IGFN1: variants seen among roughly 807,000 people sequenced by gnomAD.
The protein encoded by IGFN1 is immunoglobulin like and fibronectin type III domain containing 1.
In IGFN1, 253 loss-of-function variants were observed where a neutral mutation model predicts 289.5. The observed-to-expected ratio is 0.87, with a 90% CI of 0.79 to 0.97. The LOEUF is 0.97. IGFN1 is among the 50% of genes least tolerant of loss of function. The pLI is 0.00. For synonymous variants in IGFN1, 1,706 were observed against 1,788.5 expected, an observed-to-expected ratio of 0.95 and a Z score of 1.16; for missense variants, 4,470 against 4,686.1, an observed-to-expected ratio of 0.95 and a Z score of 1.35.
At chr1:201,225,633 A>G (rs1654028357) in intron 21 of IGFN1, among the ~76,000 whole-genome samples, 191 bp from the exon 22 acceptor site, 3 of 152,066 alleles carry the variant, frequency 2.0e-5, no homozygotes. Context: ...AATTAAAATT[A>G]CTCTTTTGGG....
chr1:201,214,069 C>A, intron 12 of IGFN1, 108 bp from the exon 13 acceptor site: 3 of 1,207,752 alleles, frequency 2.5e-6, no homozygotes, highest in Non-Finnish European at 3.4e-6. Context: ...ACCAGCCCTG[C>A]TGACACCAGC....
At chr1:201,201,654 G>A (rs1667166274) in intron 8 of IGFN1, 65 bp from the exon 9 acceptor site, 1 of 844,824 alleles carries the variant, frequency 1.2e-6, no homozygotes, top group Non-Finnish European at 2.0e-6. Context: ...AGCCTATGAG[G>A]GTTCAGAGTA....
chr1:201,205,432 A>G, intron 11 of IGFN1, 78 bp downstream of exon 11: 1 of 1,391,978 alleles, frequency 7.2e-7, no homozygotes, highest in African/African-American at 1.5e-5. Context: ...AAGGCGAGGC[A>G]GTGGGATTTC....
intron 7 of IGFN1, 28 bp from the exon 8 acceptor site, chr1:201,200,209 C>T (rs1667087894): frequency 6.5e-7 from 1 of 1,542,968 alleles, no homozygotes; most frequent in Non-Finnish European, 8.8e-7. Context: ...ATTCCTCTGG[C>T]CTCTGACCTG....
chr1:201,217,400 A>G lies in IGFN1; in HGVS notation c.9709A>G (p.Ile3237Val), dbSNP rs781608360. ...CAGCGCCCACATCCTGGGCTACCTGATCGAGAGGCGTAAGAAGGGGAGCAA... is the reference window on the plus strand; with the variant it reads ...CAGCGCCCACATCCTGGGCTACCTGGTCGAGAGGCGTAAGAAGGGGAGCAA... ...PGSAHILGYL[I>V]ERRKKGSNTW... The change falls in exon 17 of 24, where the codon ATC (isoleucine) becomes GTC (valine). Residue 3237 changes from isoleucine to valine, a missense_variant. Coordinates refer to ENST00000335211, the MANE Select transcript of IGFN1 (RefSeq NM_001164586.2). 6.2e-7 allele frequency: 1 copy of G among 1,614,150 alleles called. No individual in the cohort carries two copies. Among genetic ancestry groups the G allele is most frequent in the Non-Finnish European group, 8.5e-7 (1 of 1,180,026 alleles).
chr1:201,213,668 G>T, intron 12 of IGFN1, 47 bp downstream of exon 12: 1 of 1,518,736 alleles, frequency 6.6e-7, no homozygotes, highest in South Asian at 1.2e-5. Flanking sequence ...AGAGACAGTG[G>T]GGAGCTCCCT....
chr1:201,228,653 C>T lies in IGFN1; in HGVS notation c.*254C>T, dbSNP rs14061. On this transcript the variant is annotated 3_prime_UTR_variant, in exon 24 of 24. Coordinates refer to ENST00000335211, the MANE Select transcript of IGFN1 (RefSeq NM_001164586.2). ...AATGACAGCGAACCTCCTGGACCCT[C>T]ACCATATGGGTTTCTTTCTTCTTCG... 0.3 allele frequency: 169,934 copies of T among 565,126 alleles called. 28,282 individuals carry two copies. The highest frequency in any genetic ancestry group is 0.39 in the Middle Eastern group (890 of 2,270). 35.0% of individuals were successfully genotyped at this position (565,126 alleles called of 1,614,324 possible).
At position 201,211,370 on chromosome 1, in the gene IGFN1, T is replaced by C. The variant is rs747956776; in HGVS notation, c.6477T>C (p.Gly2159=). The C allele has an allele frequency of 6.7e-7, 1 of 1,490,572 alleles. No individual in the cohort carries two copies. Among genetic ancestry groups the C allele is most frequent in the South Asian group, 1.2e-5 (1 of 80,056 alleles). 92.3% of individuals were successfully genotyped at this position (1,490,572 alleles called of 1,614,324 possible). A position where few individuals can be genotyped will look rare whatever the true frequency, so the allele number is the denominator to read the frequency against. The part of the protein sequence containing the change: ...PKGMGSESKA[G]FRDGLGSSGE... ...GAATGGGTTCAGAGAGTAAGGCAGG[T>C]TTTAGGGATGGTTTAGGGAGTTCTG... The change falls in exon 12 of 24, where the codon GGT becomes GGC. Residue 2159 remains glycine (G), a synonymous_variant. Coordinates refer to ENST00000335211, the MANE Select transcript of IGFN1 (RefSeq NM_001164586.2).
chr1:201,213,270 G>T lies in IGFN1; in HGVS notation c.8377G>T (p.Ala2793Ser). The change falls in exon 12 of 24, where the codon GCC (alanine) becomes TCC (serine). Residue 2793 changes from alanine (A) to serine (S), a missense_variant. By Grantham distance (99) the Ala-to-Ser change is moderately conservative. Around this residue, in one of 8 missense-constraint regions of IGFN1, gnomAD observed 2,218 missense variants for 2,114.1 expected, o/e 1.05. Coordinates refer to ENST00000335211, the MANE Select transcript of IGFN1 (RefSeq NM_001164586.2). ...GAATGGTGAGGTCCAGGGTCCTGGG[G>T]CCCTAAAGGAGGATGAAGGGCAGGG... ...AENGEVQGPG[A>S]LKEDEGQGVE... The T allele has an allele frequency of 1.3e-6, 2 of 1,554,012 alleles. No homozygotes were observed. Among genetic ancestry groups the T allele is most frequent in the South Asian group, 1.2e-5 (1 of 84,264 alleles).
intron 14 of IGFN1, 90 bp from the exon 15 acceptor site, chr1:201,215,449 C>T (rs1226454919): frequency 9.1e-6 from 11 of 1,205,350 alleles, no homozygotes; most frequent in Middle Eastern, 2.6e-4. Context: ...CCTTACTCTT[C>T]CCCCAAACTT....
intron 5 of IGFN1, among the ~76,000 whole-genome samples, 200 bp from the exon 6 acceptor site, chr1:201,199,134 C>G (rs1667039794): frequency 6.6e-6 from 1 of 152,164 alleles, no homozygotes; most frequent in African/African-American, 2.4e-5. Context: ...CATGGTAAGG[C>G]TCTAGGGTAA....
Position 201,207,641 on chromosome 1 carries a change from A to G in IGFN1, c.2748A>G (p.Ser916=). The part of the protein sequence containing the change: ...GDKKGLRGPG[S]IGSEPDFWNG... ...AGAAAGGATTAAGAGGTCCTGGGTC[A>G]ATAGGGTCTGAACCAGATTTCTGGA... The change falls in exon 12 of 24, where the codon TCA becomes TCG. Residue 916 remains serine, a synonymous_variant. Transcript: ENST00000335211. 1 of 1,537,126 alleles carries G rather than the reference A, an allele frequency of 6.5e-7. No homozygotes were observed. The highest frequency in any genetic ancestry group is 8.7e-7 in the Non-Finnish European group (1 of 1,146,882).
At position 201,209,314 on chromosome 1, in the gene IGFN1, G is replaced by A; in HGVS notation, c.4421G>A (p.Ser1474Asn). 2.0e-6 allele frequency: 3 copies of A among 1,483,506 alleles called. No individual in the cohort carries two copies. Among genetic ancestry groups the A allele is most frequent in the Non-Finnish European group, 1.8e-6 (2 of 1,127,264 alleles). The allele number at this position is 1,483,506 out of a possible 1,614,324, so 91.9% of individuals were successfully genotyped here. A position where few individuals can be genotyped will look rare whatever the true frequency, so the allele number is the denominator to read the frequency against. ...GCTCCTGAGAGAATGGATTCAGGGA[G>A]CAAGGCAGGTTACAGGGGTGGTTTA... Reference protein sequence around the residue: ...LGAPERMDSGSKAGYRGGLRG... With the variant: ...LGAPERMDSGNKAGYRGGLRG... Residue 1474 changes from serine to asparagine, a missense_variant, in exon 12 of 24, where the codon AGC becomes AAC. By Grantham distance (46) the Ser-to-Asn change is conservative (BLOSUM62 1). Around this residue, in one of 8 missense-constraint regions of IGFN1, gnomAD observed 2,011 missense variants for 1,953.4 expected, o/e 1.03. Transcript: ENST00000335211.
chr1:201,215,000 G>T lies in IGFN1; in HGVS notation c.8854-13G>T. On this transcript the variant is annotated splice_polypyrimidine_tract_variant and intron_variant, in intron 13 of 23. Transcript: ENST00000335211. ...AGTGGGGTGACCTTCTCCTGCTGTG[G>T]CCCTGTCTCCAGCTCACCACCCAGG... 1 of 1,612,212 alleles carries T rather than the reference G, an allele frequency of 6.2e-7. No homozygotes were observed. The highest frequency in any genetic ancestry group is 8.5e-7 in the Non-Finnish European group (1 of 1,178,914).
In IGFN1 at chr1:201,198,263, G is replaced by A. The variant is rs140839293; in HGVS notation, c.367+946G>A. Among the ~76,000 whole-genome samples, 834 of 152,300 alleles carry A rather than the reference G, an allele frequency of 5.5e-3. 12 individuals are homozygous for A. Among genetic ancestry groups the A allele is most frequent in the African/African-American group, 0.019 (798 of 41,568 alleles). On this transcript the variant is annotated intron_variant, in intron 5 of 23. Coordinates refer to ENST00000335211, the MANE Select transcript of IGFN1 (RefSeq NM_001164586.2). ...CAATTCTCCTGCCTCAGCCTCCTGA[G>A]TAGCTGGGATTACACGCGTTTACCA... is the stretch of plus-strand genomic sequence containing the variant.
chr1:201,207,902 T>C lies in IGFN1; in HGVS notation c.3009T>C (p.Ser1003=), dbSNP rs1295679645. 3 of 1,536,148 alleles carry C rather than the reference T, an allele frequency of 2.0e-6. No homozygotes were observed. The African/African-American group carries it at 4.1e-5, about 21-fold the overall frequency. The change falls in exon 12 of 24, where the codon TCT becomes TCC. Residue 1003 remains serine, a synonymous_variant. Transcript: ENST00000335211. The part of the protein sequence containing the change: ...VSPRAPAGVE[S]EEGGGYRHGS... ...CTAGGGCACCTGCGGGAGTGGAGTC[T>C]GAGGAAGGGGGTGGGTACAGGCATG...
chr1:201,226,078 A>G lies in IGFN1; in HGVS notation c.10741A>G (p.Lys3581Glu). ...GGCCAAGAATGAGCTGGGGGCCAGC[A>G]AACCCTCGGACACCAGCCAGCCCTG... is the stretch of plus-strand genomic sequence containing the variant. ...VVAKNELGAS[K>E]PSDTSQPWCI... is the part of the protein sequence containing the mutation. The change falls in exon 22 of 24, where the codon AAA (lysine) becomes GAA (glutamate). Residue 3581 changes from lysine to glutamate, a missense_variant. Transcript: ENST00000335211. 6.2e-7 allele frequency: 1 copy of G among 1,603,596 alleles called. No homozygotes were observed. The highest frequency in any genetic ancestry group is 8.5e-7 in the Non-Finnish European group (1 of 1,173,522).
In IGFN1 at chr1:201,209,030, G is replaced by A. The variant is rs761440474; in HGVS notation, c.4137G>A (p.Arg1379=). 4 of 1,536,794 alleles carry A rather than the reference G, an allele frequency of 2.6e-6. No individual in the cohort carries two copies. The Admixed American group carries it at 7.9e-5, about 30-fold the overall frequency. Residue 1379 remains arginine, a synonymous_variant, in exon 12 of 24, where the codon AGG becomes AGA. Transcript: ENST00000335211. The part of the protein sequence containing the change: ...EIGSMDETDN[R]KDLGVPEGMG... ...GGTCAATGGATGAAACAGATAATAG[G>A]AAAGATTTGGGGGTTCCTGAGGGAA...
At position 201,212,391 on chromosome 1, in the gene IGFN1, C is replaced by T; in HGVS notation, c.7498C>T (p.Pro2500Ser). ...VKEWQDSSGT[P>S]GSSRDRGAPR... ...AGAATGGCAAGACAGTTCTGGGACT[C>T]CAGGGTCTTCTAGAGACAGAGGGGC... is the stretch of plus-strand genomic sequence containing the variant. Residue 2500 changes from proline to serine, a missense_variant, in exon 12 of 24, where the codon CCA (proline) becomes TCA (serine). Around this residue, in one of 8 missense-constraint regions of IGFN1, gnomAD observed 2,218 missense variants for 2,114.1 expected, o/e 1.05. Transcript: ENST00000335211. 6.5e-7 allele frequency: 1 copy of T among 1,536,872 alleles called. No individual in the cohort carries two copies. The highest frequency in any genetic ancestry group is 8.7e-7 in the Non-Finnish European group (1 of 1,146,812).
Sources: allele counts gnomAD v4.1 joint callset (sites outside exome capture counted in the v4.1 genomes callset), GRCh38; gene constraint gnomAD v4.1.1; regional missense constraint gnomAD v4.1.1; transcripts MANE v1.5; gene names NCBI Gene and HGNC (gene_info 2026-07-23, HGNC 2026-07-21).